SLC43A3: variants seen among roughly 807,000 people sequenced by gnomAD.
SLC43A3 encodes solute carrier family 43 member 3, also known as equilibrative nucleobase transporter 1.
A neutral mutation model predicts 53.3 loss-of-function variants in SLC43A3; 33 were observed. The ratio of observed to expected loss-of-function variants is 0.62; its 90% CI spans 0.47 to 0.83. The LOEUF (loss-of-function observed/expected upper bound fraction) is 0.83. Among genes scored for constraint, SLC43A3 ranks in the 40% least tolerant of loss-of-function variants. SLC43A3 has a pLI of 0.00. For synonymous variants in SLC43A3, 236 were observed against 246.2 expected (o/e 0.96, Z 0.39); for missense variants, 530 against 610.0 (o/e 0.87, Z 1.38).
In SLC43A3 at chr11:57,409,930, C is replaced by G; in HGVS notation, c.1247+5G>C. 3.7e-6 allele frequency: 6 copies of G among 1,605,380 alleles called. No homozygotes were observed. The highest frequency in any genetic ancestry group is 5.1e-6 in the Non-Finnish European group (6 of 1,175,900). On this transcript the variant is annotated splice_donor_5th_base_variant and intron_variant, in intron 12 of 13. Transcript: ENST00000395124. ...CTCCACAGAGCCCGCCCCAAGGCCACTTACGCAAGGGTGAGGAAGGCCGCG... is the reference window on the plus strand; with the variant it reads ...CTCCACAGAGCCCGCCCCAAGGCCAGTTACGCAAGGGTGAGGAAGGCCGCG...
chr11:57,415,317 C>A (rs1179940385), intron 9 of SLC43A3: 2 of 1,520,102 alleles, frequency 1.3e-6, no homozygotes, highest in Non-Finnish European at 1.8e-6. Context: ...TTGGATGACC[C>A]TCTGTGTTCT....
intron 7 of SLC43A3, 56 bp from the exon 8 acceptor site, chr11:57,417,943 T>C (rs748028611): frequency 1.3e-6 from 2 of 1,561,384 alleles, no homozygotes; most frequent in East Asian, 2.3e-5. Context: ...GCAGCACTAT[T>C]CACAATAGCC....
At position 57,416,540 on chromosome 11, in the gene SLC43A3, T is replaced by C. The variant is rs371794357; in HGVS notation, c.769+33A>G. ...AAAGGCACAAGGAGAGGCTTGGGTC[T>C]GGAGGAGAGATGGGTTAGCCAGCAG... On this transcript the variant is annotated intron_variant, in intron 9 of 13. Coordinates refer to ENST00000395124, the MANE Select transcript of SLC43A3 (RefSeq NM_199329.3). The C allele has an allele frequency of 1.2e-4, 186 of 1,561,122 alleles. 1 individual carries two copies. In the African/African-American group the frequency reaches 2.2e-3, roughly 19 times the overall value.
chr11:57,419,591 A>C (rs1319489454), intron 7 of SLC43A3, among the ~76,000 whole-genome samples: 1 of 152,156 alleles, frequency 6.6e-6, no homozygotes, highest in Non-Finnish European at 1.5e-5. Flanking sequence ...TGAGGTCAAG[A>C]GTTCAAGACC....
At chr11:57,416,520 C>T in intron 9 of SLC43A3, 53 bp downstream of exon 9, 1 of 1,452,046 alleles carries the variant, frequency 6.9e-7, no homozygotes, top group Non-Finnish European at 9.7e-7. Flanking sequence ...CCAGGAAAGG[C>T]ACAAGGAGAG....
chr11:57,419,774 A>G (rs1942900692), intron 7 of SLC43A3, among the ~76,000 whole-genome samples: 1 of 147,714 alleles, frequency 6.8e-6, no homozygotes, highest in South Asian at 2.2e-4. Flanking sequence ...CCAGCCTGGG[A>G]GACAAAGTGA....
chr11:57,419,590 G>C lies in SLC43A3; in HGVS notation c.531+1382C>G, dbSNP rs141410408. On this transcript the variant is annotated intron_variant, in intron 7 of 13. Transcript: ENST00000395124. Reference sequence around the variant, plus strand: ...AGGAAGGCGGATTACTTGAGGTCAAGAGTTCAAGACCAGCCTGGCCAACAT... The same window carrying C: ...AGGAAGGCGGATTACTTGAGGTCAACAGTTCAAGACCAGCCTGGCCAACAT... Among the ~76,000 whole-genome samples the C allele has an allele frequency of 9.9e-5, 15 of 152,230 alleles. No homozygotes were observed. In the East Asian group the frequency reaches 2.9e-3, roughly 29 times the overall value.
chr11:57,415,434 G>A (rs912673287), intron 9 of SLC43A3: 1 of 1,331,098 alleles, frequency 7.5e-7, no homozygotes, highest in Non-Finnish European at 9.8e-7. Context: ...ACGACAAGGA[G>A]AGGAGAAAGT....
chr11:57,415,366 AAT>A (rs1942672555), intron 9 of SLC43A3: 1 of 1,469,582 alleles, frequency 6.8e-7, no homozygotes, highest in Non-Finnish European at 9.1e-7. Flanking sequence ...CAGCCTGGTC[AAT>A]GACACTTCTT....
chr11:57,413,416 T>G (rs752518502), intron 11 of SLC43A3, among the ~76,000 whole-genome samples: 5 of 152,152 alleles, frequency 3.3e-5, no homozygotes, highest in Non-Finnish European at 7.4e-5. Flanking sequence ...ATTTTTTAGG[T>G]GTGATCATGA....
intron 8 of SLC43A3, 48 bp downstream of exon 8, chr11:57,417,700 C>G (rs746588772): frequency 1.2e-6 from 2 of 1,610,750 alleles, no homozygotes; most frequent in Non-Finnish European, 1.7e-6. Flanking sequence ...CCATCCCACC[C>G]TAGGGCCAAT....
chr11:57,420,945 G>T, intron 7 of SLC43A3, 27 bp downstream of exon 7: 1 of 1,458,274 alleles, frequency 6.9e-7, no homozygotes, highest in Non-Finnish European at 9.6e-7. Flanking sequence ...CAAGTGCCCA[G>T]TGAATGTAGG....
chr11:57,412,952 T>G (rs1942547315), intron 11 of SLC43A3, among the ~76,000 whole-genome samples: 1 of 151,708 alleles, frequency 6.6e-6, no homozygotes, highest in Non-Finnish European at 1.5e-5. Context: ...AGACTCGCAA[T>G]GTCTAAACCA....
chr11:57,409,705 C>T (rs1165629057), intron 12 of SLC43A3, among the ~76,000 whole-genome samples: 1 of 152,204 alleles, frequency 6.6e-6, no homozygotes, highest in East Asian at 1.9e-4. Flanking sequence ...AATACGAGTT[C>T]ACCAGGTAGA....
intron 11 of SLC43A3, 128 bp from the exon 12 acceptor site, chr11:57,410,249 G>A (rs992892093): frequency 5.7e-6 from 4 of 702,486 alleles, no homozygotes; most frequent in African/African-American, 1.8e-5. Context: ...AAACCTGGGA[G>A]TCATCCTCGA....
chr11:57,425,976 T>C lies in SLC43A3; in HGVS notation c.184+13A>G, dbSNP rs759838830. The C allele has an allele frequency of 1.2e-6, 2 of 1,611,908 alleles. No individual in the cohort carries two copies. Among genetic ancestry groups the C allele is most frequent in the Non-Finnish European group, 1.7e-6 (2 of 1,178,264 alleles). On this transcript the variant is annotated intron_variant, in intron 3 of 13. Transcript: ENST00000395124. ...AGACTTAACTTCCTTAGAAAAGTCA[T>C]CCCTGCCCTTACCAGCCTGCCCTGT... is the stretch of plus-strand genomic sequence containing the variant.
chr11:57,410,105 C>T lies in SLC43A3; in HGVS notation c.1077G>A (p.Ala359=), dbSNP rs62640923. 4.7e-3 allele frequency: 7,483 copies of T among 1,603,720 alleles called. 287 individuals are homozygous for T. The African/African-American group carries it at 0.085, about 18-fold the overall frequency. Residue 359 remains alanine (A), a synonymous_variant, in exon 12 of 14, where the codon GCG becomes GCA. Transcript: ENST00000395124. The part of the protein sequence containing the change: ...EARKTGSSTL[A]VALCSTVPSL... Reference sequence around the variant, plus strand: ...AAGGCACCGTCGAGCAGAGGGCCACCGCCAAAGTGGAGGAACCTGGGCGAA... The same window carrying T: ...AAGGCACCGTCGAGCAGAGGGCCACTGCCAAAGTGGAGGAACCTGGGCGAA...
chr11:57,415,369 G>C (rs1942672880), intron 9 of SLC43A3: 1 of 1,462,710 alleles, frequency 6.8e-7, no homozygotes, highest in Non-Finnish European at 9.1e-7. Context: ...CCTGGTCAAT[G>C]ACACTTCTTG....
intron 8 of SLC43A3, 29 bp from the exon 9 acceptor site, chr11:57,416,699 G>A (rs1346125151): frequency 1.9e-6 from 3 of 1,572,404 alleles, no homozygotes; most frequent in African/African-American, 2.7e-5. Context: ...CACCAGCAAG[G>A]CCAAGGACTG....
Sources: allele counts gnomAD v4.1 joint callset (sites outside exome capture counted in the v4.1 genomes callset), GRCh38; gene constraint gnomAD v4.1.1; transcripts MANE v1.5; gene names NCBI Gene and HGNC (gene_info 2026-07-23, HGNC 2026-07-21).